Variants in ZFX observed in about 807,000 individuals in gnomAD.
ZFX encodes the protein zinc finger X-chromosomal protein.
For missense variants in ZFX, 362 were observed against 628.3 expected (o/e 0.58, Z 4.53); for synonymous variants, 196 against 226.8 (o/e 0.86, Z 1.22).
chrX:24,211,530 C>T lies in ZFX; in HGVS notation c.*154C>T. Reference sequence around the variant, plus strand: ...TCTAGTTGACTTTTTTTTAAATATACATTTTGCTCAGTAGTGTGTTCTGAA... The same window carrying T: ...TCTAGTTGACTTTTTTTTAAATATATATTTTGCTCAGTAGTGTGTTCTGAA... On this transcript the variant is annotated 3_prime_UTR_variant, in exon 10 of 10. Transcript: ENST00000304543. The T allele has an allele frequency of 1.5e-6, 1 of 673,639 alleles. No individual in the cohort carries two copies. Among genetic ancestry groups the T allele is most frequent in the Non-Finnish European group, 2.2e-6 (1 of 459,488 alleles). The allele number at this position is 673,639 out of a possible 1,213,427, so 55.5% of individuals were successfully genotyped here.
intron 3 of ZFX, among the ~76,000 whole-genome samples, chrX:24,162,747 A>G (rs934070998): frequency 3.6e-5 from 4 of 111,783 alleles, no homozygotes; most frequent in African/African-American, 1.3e-4. Context: ...TGTACATTTC[A>G]GTGGTTTTTT....
In ZFX at chrX:24,210,381, C is replaced by A; in HGVS notation, c.1423C>A (p.Leu475Met). ...TNKKISLHNH[L>M]ESHKLTSKAE... ...CAAGAAGATAAGTTTACACAACCAC[C>A]TGGAGAGCCACAAGCTGACCAGCAA... Residue 475 changes from leucine to methionine, a missense_variant, in exon 10 of 10, where the codon CTG (leucine) becomes ATG (methionine). Leu to Met is a conservative substitution (Grantham distance 15). Transcript: ENST00000304543. 1 of 1,212,089 alleles carries A rather than the reference C, an allele frequency of 8.3e-7. No homozygotes were observed. The highest frequency in any genetic ancestry group is 1.1e-6 in the Non-Finnish European group (1 of 895,630).
intron 1 of ZFX, chrX:24,150,501 C>T (rs1931946292): frequency 8.9e-6 from 1 of 112,975 alleles, no homozygotes; most frequent in African/African-American, 3.2e-5. Context: ...CCTTGCCTCC[C>T]GCAGCCCCGT....
chrX:24,158,205 A>G (rs1932905498), intron 3 of ZFX, among the ~76,000 whole-genome samples: 1 of 111,592 alleles, frequency 9.0e-6, no homozygotes, highest in Non-Finnish European at 1.9e-5. Context: ...TTAGTCATGT[A>G]AAATAAGGGT....
At chrX:24,175,740 G>A (rs1020387233) in intron 4 of ZFX, among the ~76,000 whole-genome samples, 2 of 110,758 alleles carry the variant, frequency 1.8e-5, no homozygotes, top group African/African-American at 3.3e-5. Context: ...CACCATGCCC[G>A]GCTAATTTTT....
intron 5 of ZFX, among the ~76,000 whole-genome samples, chrX:24,205,351 C>A (rs1315142278): frequency 8.9e-6 from 1 of 112,062 alleles, no homozygotes; most frequent in Admixed American, 9.4e-5. Flanking sequence ...TTTCATTAGT[C>A]TTTGCCACAC....
In ZFX at chrX:24,212,209, T is replaced by C. The variant is rs1938138261; in HGVS notation, c.*833T>C. 8.9e-6 allele frequency: 1 copy of C among 112,263 alleles called. No homozygotes were observed. Among genetic ancestry groups the C allele is most frequent in the Non-Finnish European group, 1.9e-5 (1 of 53,239 alleles). The allele number at this position is 112,263 out of a possible 1,213,427, so 9.3% of individuals were successfully genotyped here. ...ATGGCTTATAGGATCTTTTGCAACT[T>C]TATGTATGTAAATGTACCCTGAATT... On this transcript the variant is annotated 3_prime_UTR_variant, in exon 10 of 10. Transcript: ENST00000304543.
Position 24,212,720 on chromosome X carries a change from G to C in ZFX, c.*1344G>C, listed in dbSNP as rs1938182111. 8.9e-6 allele frequency: 1 copy of C among 111,929 alleles called. No individual in the cohort carries two copies. Among genetic ancestry groups the C allele is most frequent in the African/African-American group, 3.3e-5 (1 of 30,708 alleles). The allele number at this position is 111,929 out of a possible 1,213,427, so 9.2% of individuals were successfully genotyped here. ...GGTGCTAATTATGACTTCACACTCG[G>C]CAAGTTCAGGCTGATCTGTTATTTC... On this transcript the variant is annotated 3_prime_UTR_variant, in exon 10 of 10. Coordinates refer to ENST00000304543, the MANE Select transcript of ZFX (RefSeq NM_003410.4).
At chrX:24,199,872 G>A (rs1481160856) in intron 5 of ZFX, among the ~76,000 whole-genome samples, 3 of 107,881 alleles carry the variant, frequency 2.8e-5, no homozygotes, top group African/African-American at 1.0e-4. Context: ...AGCTGAGATC[G>A]CACCATTGCA....
upstream of ZFX, chrX:24,149,304 G>A (rs1186919781): frequency 9.1e-6 from 1 of 109,816 alleles, no homozygotes; most frequent in Non-Finnish European, 1.9e-5. Context: ...ACGGGACATG[G>A]TGGGGGGCGG....
intron 3 of ZFX, among the ~76,000 whole-genome samples, chrX:24,169,799 A>G (rs1458911592): frequency 9.1e-6 from 1 of 110,261 alleles, no homozygotes; most frequent in Non-Finnish European, 1.9e-5. Context: ...AAACCATGGG[A>G]ATAAAGAGAA....
chrX:24,197,301 A>G (rs983849544), intron 5 of ZFX, among the ~76,000 whole-genome samples: 2 of 111,897 alleles, frequency 1.8e-5, no homozygotes, highest in Non-Finnish European at 3.8e-5. Context: ...TCCCATCTCT[A>G]CCAAAACAAA....
At chrX:24,149,297 G>T, upstream of ZFX, 1 of 112,340 alleles carries the variant, frequency 8.9e-6, no homozygotes, top group South Asian at 3.0e-4. Context: ...GCGGCCCACG[G>T]GACATGGTGG....
intron 3 of ZFX, among the ~76,000 whole-genome samples, chrX:24,158,134 A>G (rs1040706087): frequency 3.6e-5 from 4 of 112,031 alleles, no homozygotes; most frequent in African/African-American, 9.7e-5. Context: ...TGATAAATCT[A>G]GAATGAAAAT....
chrX:24,207,958 C>T (rs1937723697), intron 7 of ZFX, 103 bp downstream of exon 7: 17 of 1,009,742 alleles, frequency 1.7e-5, no homozygotes, highest in Admixed American at 2.9e-5. Flanking sequence ...TATTATGCTA[C>T]TACATTCCAA....
chrX:24,185,647 C>T (rs963127990), intron 5 of ZFX, among the ~76,000 whole-genome samples: 1 of 111,780 alleles, frequency 8.9e-6, no homozygotes, highest in East Asian at 2.8e-4. Context: ...GACAGGGTTT[C>T]GTCATGTTGG....
chrX:24,152,031 A>G (rs1005942880), intron 2 of ZFX, among the ~76,000 whole-genome samples: 1 of 111,893 alleles, frequency 8.9e-6, no homozygotes, highest in Non-Finnish European at 1.9e-5. Flanking sequence ...TTTCTATGGT[A>G]CACAAATAGG....
At chrX:24,187,808 T>G (rs1340080018) in intron 5 of ZFX, among the ~76,000 whole-genome samples, 1 of 111,354 alleles carries the variant, frequency 9.0e-6, no homozygotes, top group Non-Finnish European at 1.9e-5. Flanking sequence ...GGAGGGAAGA[T>G]AAACAGAAAC....
chrX:24,169,204 T>C (rs1934321383), intron 3 of ZFX, among the ~76,000 whole-genome samples: 1 of 111,605 alleles, frequency 9.0e-6, no homozygotes, highest in Admixed American at 9.6e-5. Context: ...GTTGAATAAT[T>C]ACTGCTCACT....
Sources: gnomAD v4.1 joint callset for allele counts (sites outside exome capture counted in the v4.1 genomes callset) on GRCh38, gnomAD v4.1.1 for gene constraint, MANE v1.5 for transcripts, NCBI Gene and HGNC (gene_info 2026-07-23, HGNC 2026-07-21) for gene names.